The following RYR3 variants were observed in gnomAD, a reference collection of about 807,000 sequenced individuals.
RYR3 encodes the protein ryanodine receptor 3, also known as brain ryanodine receptor-calcium release channel.
Under a neutral mutation model 584.3 loss-of-function variants are expected in RYR3, and 207 were observed. The observed-to-expected ratio is 0.35, with a 90% CI of 0.32 to 0.40. The LOEUF (loss-of-function observed/expected upper bound fraction) is 0.40, where lower values mean the gene tolerates loss of function less well. Among genes scored for constraint, RYR3 ranks in the 10% least tolerant of loss-of-function variants. The probability of loss-of-function intolerance (pLI) is 1.00; values close to 1 mark genes in which losing one functional copy is unlikely to be tolerated. For synonymous variants in RYR3, 2,416 were observed against 2,248.5 expected (o/e 1.07, Z -2.11); for missense variants, 5,616 against 6,089.2 (o/e 0.92, Z 2.59).
chr15:33,730,287 C>T (rs1298070505), intron 47 of RYR3, among the ~76,000 whole-genome samples: 1 of 152,040 alleles, frequency 6.6e-6, no homozygotes, highest in African/African-American at 2.4e-5. Flanking sequence ...AAATGCTATT[C>T]TAGTATCTGG....
intron 2 of RYR3, among the ~76,000 whole-genome samples, chr15:33,498,858 G>A (rs2051682665): frequency 6.6e-6 from 1 of 151,938 alleles, no homozygotes; most frequent in Non-Finnish European, 1.5e-5. Context: ...TTTGTATATG[G>A]TGTGTGTGGG....
At chr15:33,750,366 C>A in intron 57 of RYR3, 80 bp downstream of exon 57, 1 of 1,402,978 alleles carries the variant, frequency 7.1e-7, no homozygotes, top group Non-Finnish European at 9.8e-7. Context: ...CAAAACCCAT[C>A]CAAGTAAGGA....
chr15:33,582,735 T>C (rs569075568), intron 14 of RYR3, among the ~76,000 whole-genome samples: 137 of 152,308 alleles, frequency 9.0e-4, no homozygotes, highest in Non-Finnish European at 1.8e-3. Context: ...AGGACTCTTA[T>C]GCTTAACTTC....
At chr15:33,351,563 G>GA (rs1234808494) in intron 1 of RYR3, among the ~76,000 whole-genome samples, 24 of 151,490 alleles carry the variant, frequency 1.6e-4, no homozygotes, top group Admixed American at 6.6e-4. Context: ...TATCCACCAT[G>GA]ATCAAGTGGG....
At chr15:33,835,237 G>A (rs140035039) in intron 87 of RYR3, among the ~76,000 whole-genome samples, 165 bp downstream of exon 87, 4 of 152,378 alleles carry the variant, frequency 2.6e-5, no homozygotes, top group Non-Finnish European at 4.4e-5. Flanking sequence ...AGATGGAAAT[G>A]AATGCCTCGG....
rs370445041 is a variant in RYR3, at chr15:33,696,383, C to G, written c.6026C>G (p.Thr2009Ser). 1.4e-5 allele frequency: 23 copies of G among 1,613,814 alleles called. No individual in the cohort carries two copies. The highest frequency in any genetic ancestry group is 4.0e-5 in the African/African-American group (3 of 74,904). The stretch of plus-strand genomic sequence containing the variant: ...CGGAAGACCTACACCATCAGCCACA[C>G]CTCTGTAAGCGACACCATCAACCTG... ...ALRKTYTISH[T>S]SVSDTINLLA... is the part of the protein sequence containing the mutation. Residue 2009 changes from threonine to serine, a missense_variant, in exon 39 of 104, where the codon ACC (threonine) becomes AGC (serine). By Grantham distance (58) the Thr-to-Ser change is moderately conservative. This residue lies in a region of RYR3 where 1,280 missense variants were observed against 1,426.2 expected (regional missense o/e 0.90). Transcript: ENST00000634891.
intron 47 of RYR3, among the ~76,000 whole-genome samples, chr15:33,730,827 G>T (rs971196442): frequency 6.6e-6 from 1 of 152,192 alleles, no homozygotes; most frequent in African/African-American, 2.4e-5. Flanking sequence ...TGTACAGAAG[G>T]TCCCAAGTTT....
chr15:33,661,454 A>G (rs569554885), intron 34 of RYR3, among the ~76,000 whole-genome samples: 10 of 152,290 alleles, frequency 6.6e-5, no homozygotes, highest in Admixed American at 6.5e-4. Flanking sequence ...GGTAGATTGG[A>G]CTTTATACAA....
At chr15:33,748,029 T>C (rs1250601655) in intron 53 of RYR3, 85 bp from the exon 54 acceptor site, 3 of 1,306,256 alleles carry the variant, frequency 2.3e-6, no homozygotes, top group Non-Finnish European at 3.3e-6. Flanking sequence ...CCACCCACAG[T>C]GGGATGCACC....
At chr15:33,792,458 A>G (rs1416117284) in intron 67 of RYR3, among the ~76,000 whole-genome samples, 1 of 152,032 alleles carries the variant, frequency 6.6e-6, no homozygotes. Context: ...CTTCTCTCCC[A>G]TCAGTCAGTC....
intron 72 of RYR3, among the ~76,000 whole-genome samples, chr15:33,811,506 G>T (rs1316140669): frequency 1.1e-5 from 1 of 92,238 alleles, no homozygotes; most frequent in African/African-American, 2.9e-5. Flanking sequence ...GCAAGACTCC[G>T]TCTCAAAAAA....
intron 81 of RYR3, among the ~76,000 whole-genome samples, chr15:33,825,024 G>A (rs1293245736): frequency 6.6e-6 from 1 of 152,148 alleles, no homozygotes; most frequent in South Asian, 2.1e-4. Flanking sequence ...ATAAATTCAG[G>A]AATACCTGGA....
At chr15:33,516,135 C>T (rs2053498471) in intron 3 of RYR3, among the ~76,000 whole-genome samples, 1 of 152,128 alleles carries the variant, frequency 6.6e-6, no homozygotes, top group Non-Finnish European at 1.5e-5. Context: ...AGAGTAATGT[C>T]CTAGTTGCTG....
intron 67 of RYR3, among the ~76,000 whole-genome samples, chr15:33,789,062 C>T (rs957645709): frequency 2.0e-4 from 30 of 151,558 alleles, no homozygotes; most frequent in Middle Eastern, 3.4e-3. Context: ...AGATCTGGGG[C>T]GGGGGTGTTG....
chr15:33,625,221 T>C (rs2060923702), intron 20 of RYR3, among the ~76,000 whole-genome samples: 1 of 71,434 alleles, frequency 1.4e-5, no homozygotes, highest in Non-Finnish European at 2.6e-5. Context: ...ATGAGAACTC[T>C]ATTATGAGGA....
chr15:33,841,874 G>A lies in RYR3; in HGVS notation c.13048G>A (p.Gly4350Arg). 6.3e-7 allele frequency: 1 copy of A among 1,593,856 alleles called. No individual in the cohort carries two copies. The highest frequency in any genetic ancestry group is 1.1e-5 in the South Asian group (1 of 87,308). The change falls in exon 91 of 104, where the codon GGA becomes AGA. Residue 4350 changes from glycine to arginine, a missense_variant. Physicochemically the swap from Gly to Arg is moderately radical, Grantham distance 125. This residue lies in a region of RYR3 where 918 missense variants were observed against 887.4 expected (regional missense o/e 1.03). Coordinates refer to ENST00000634891, the MANE Select transcript of RYR3 (RefSeq NM_001036.6). ...TTCCCATTTCTGCAGCATGGAAGAT[G>A]GAGAGAAGGAAGACAAAGACAAAGA... ...VESEKADMED[G>R]EKEDKDKEEE... is the part of the protein sequence containing the mutation.
Position 33,813,955 on chromosome 15 carries a change from G to GT in RYR3, c.10502+377dup, listed in dbSNP as rs2076675573. 3.3e-5 allele frequency among the ~76,000 whole-genome samples: 5 copies of GT among 152,188 alleles called. No homozygotes were observed. The South Asian group carries it at 1.0e-3, about 32-fold the overall frequency. On this transcript the variant is annotated intron_variant, in intron 74 of 103. Coordinates refer to ENST00000634891, the MANE Select transcript of RYR3 (RefSeq NM_001036.6). ...CCAAATTCCATCAACAGTTCCAATA[G>GT]TATTTCTCTGCTCAGGAACTTGACA...
At chr15:33,383,976 T>C (rs1402127817) in intron 1 of RYR3, among the ~76,000 whole-genome samples, 1 of 152,214 alleles carries the variant, frequency 6.6e-6, no homozygotes, top group Non-Finnish European at 1.5e-5. Flanking sequence ...TGGGTGCAGA[T>C]GGAGGCCATT....
chr15:33,749,715 G>A lies in RYR3; in HGVS notation c.8200-264G>A, dbSNP rs148683013. Among the ~76,000 whole-genome samples, 4 of 152,276 alleles carry A rather than the reference G, an allele frequency of 2.6e-5. No individual in the cohort carries two copies. The East Asian group carries it at 7.7e-4, about 29-fold the overall frequency. ...CATGCGGGTTCAAGTGGAAATGGAT[G>A]TTTCTCATAAATGCATCAAACTGCC... On this transcript the variant is annotated intron_variant, in intron 55 of 103. Transcript: ENST00000634891.
Sources: allele counts gnomAD v4.1 joint callset (sites outside exome capture counted in the v4.1 genomes callset), GRCh38; gene constraint gnomAD v4.1.1; regional missense constraint gnomAD v4.1.1; transcripts MANE v1.5; gene names NCBI Gene and HGNC (gene_info 2026-07-23, HGNC 2026-07-21).